The following CNTN3 variants were observed in gnomAD, a reference collection of about 807,000 sequenced individuals.
CNTN3 encodes the protein contactin 3.
A neutral mutation model predicts 119.1 loss-of-function variants in CNTN3; 60 were observed. The ratio of observed to expected loss-of-function variants is 0.50; its 90% CI spans 0.41 to 0.62. The LOEUF is 0.62. Ranked by LOEUF, CNTN3 falls within the 20% of genes least tolerant of loss-of-function variation. CNTN3 has a pLI of 0.00. For synonymous variants in CNTN3, 450 were observed against 438.7 expected (o/e 1.03, Z -0.32); for missense variants, 1,101 against 1,242.4 (o/e 0.89, Z 1.71).
intron 1 of CNTN3, among the ~76,000 whole-genome samples, chr3:74,560,926 A>G (rs1048352425): frequency 2.7e-5 from 4 of 150,578 alleles, no homozygotes; most frequent in Non-Finnish European, 5.9e-5. Context: ...TCGCAAGGAC[A>G]AAAAAAACCA....
intron 4 of CNTN3, among the ~76,000 whole-genome samples, chr3:74,439,574 C>T (rs1212597234): frequency 6.6e-6 from 1 of 152,020 alleles, no homozygotes; most frequent in Admixed American, 6.6e-5. Flanking sequence ...ATTGTTATTC[C>T]CAATATTTAC....
At chr3:74,355,473 G>C (rs1368730511) in intron 11 of CNTN3, among the ~76,000 whole-genome samples, 1 of 151,756 alleles carries the variant, frequency 6.6e-6, no homozygotes, top group African/African-American at 2.4e-5. Context: ...GTTTTGTTTT[G>C]AGACAGGTTC....
At chr3:74,402,318 C>T (rs774891819) in intron 5 of CNTN3, among the ~76,000 whole-genome samples, 3 of 151,940 alleles carry the variant, frequency 2.0e-5, no homozygotes, top group Non-Finnish European at 4.4e-5. Flanking sequence ...TGGGATTTAA[C>T]GATGGGCCAT....
intron 1 of CNTN3, among the ~76,000 whole-genome samples, chr3:74,604,859 C>T (rs1396636142): frequency 2.0e-5 from 3 of 152,042 alleles, no homozygotes; most frequent in Non-Finnish European, 2.9e-5. Context: ...CTGTGTTCAT[C>T]GCAGCATTAT....
chr3:74,610,946 G>A (rs1011021355), intron 1 of CNTN3, among the ~76,000 whole-genome samples: 1 of 152,158 alleles, frequency 6.6e-6, no homozygotes, highest in African/African-American at 2.4e-5. Context: ...TCATTTATCA[G>A]TAATATAATC....
rs141767313 is a variant in CNTN3, at chr3:74,312,224, C to T, written c.1669-9417G>A. Among the ~76,000 whole-genome samples the T allele has an allele frequency of 1.5e-3, 230 of 151,912 alleles. 2 individuals are homozygous for T. Among genetic ancestry groups the T allele is most frequent in the Admixed American group, 3.7e-3 (57 of 15,254 alleles). ...ATCCCAGCACTTTGGGAGGCCGAGG[C>T]GGGCAGATCACGAGGTCAGGAGATC... On this transcript the variant is annotated intron_variant, in intron 13 of 22. Transcript: ENST00000263665.
chr3:74,313,145 TG>T (rs1252079282), intron 13 of CNTN3, among the ~76,000 whole-genome samples: 1 of 149,130 alleles, frequency 6.7e-6, no homozygotes, highest in Non-Finnish European at 1.5e-5. Flanking sequence ...AAAAACAGAC[TG>T]AAAAAAACAG....
intron 5 of CNTN3, among the ~76,000 whole-genome samples, chr3:74,381,575 G>A (rs1704625558): frequency 1.3e-5 from 2 of 152,202 alleles, no homozygotes; most frequent in South Asian, 2.1e-4. Flanking sequence ...ATAGAAAAGA[G>A]TAATAAAAAT....
At chr3:74,538,319 T>C (rs1464882610) in intron 1 of CNTN3, among the ~76,000 whole-genome samples, 3 of 152,142 alleles carry the variant, frequency 2.0e-5, no homozygotes, top group African/African-American at 7.2e-5. Context: ...GTTCTTTATT[T>C]TGGTTACATA....
At chr3:74,586,941 G>A (rs1156245309) in intron 1 of CNTN3, among the ~76,000 whole-genome samples, 1 of 151,962 alleles carries the variant, frequency 6.6e-6, no homozygotes, top group African/African-American at 2.4e-5. Flanking sequence ...CATCTATCCT[G>A]CCTTGACTTG....
intron 4 of CNTN3, among the ~76,000 whole-genome samples, chr3:74,479,772 T>C (rs1702729389): frequency 6.6e-6 from 1 of 151,898 alleles, no homozygotes; most frequent in Admixed American, 6.6e-5. Flanking sequence ...GTTCCTGATA[T>C]ACAGGAAAAC....
chr3:74,440,069 T>C (rs547919725), intron 4 of CNTN3, among the ~76,000 whole-genome samples: 4 of 152,216 alleles, frequency 2.6e-5, no homozygotes, highest in Non-Finnish European at 4.4e-5. Context: ...TATTTGGGTA[T>C]AACTGGCTTC....
intron 4 of CNTN3, among the ~76,000 whole-genome samples, chr3:74,458,307 G>A (rs1392141802): frequency 6.6e-6 from 1 of 152,002 alleles, no homozygotes; most frequent in Non-Finnish European, 1.5e-5. Flanking sequence ...AATGGTTTCA[G>A]GAGTTGGCAA....
intron 20 of CNTN3, among the ~76,000 whole-genome samples, chr3:74,272,841 G>T (rs996457907): frequency 6.6e-5 from 10 of 152,058 alleles, no homozygotes; most frequent in Non-Finnish European, 1.5e-4. Flanking sequence ...AAAAAGGAGG[G>T]TGGTCTATTT....
intron 5 of CNTN3, among the ~76,000 whole-genome samples, chr3:74,399,541 CATT>C (rs1705139566): frequency 6.6e-6 from 1 of 152,086 alleles, no homozygotes; most frequent in Non-Finnish European, 1.5e-5. Flanking sequence ...TCCAGTCTAT[CATT>C]GATGGGCATT....
chr3:74,343,112 C>T (rs947221111), intron 11 of CNTN3, among the ~76,000 whole-genome samples: 10 of 152,162 alleles, frequency 6.6e-5, no homozygotes, highest in South Asian at 6.2e-4. Context: ...ATAAAAATGT[C>T]GGCTTTATTA....
At chr3:74,394,397 G>A (rs932128329) in intron 5 of CNTN3, among the ~76,000 whole-genome samples, 1 of 152,092 alleles carries the variant, frequency 6.6e-6, no homozygotes, top group Non-Finnish European at 1.5e-5. Context: ...AACAGAAATA[G>A]CTGACTTAAT....
intron 1 of CNTN3, among the ~76,000 whole-genome samples, chr3:74,524,375 C>T (rs1466452715): frequency 6.6e-6 from 1 of 151,796 alleles, no homozygotes; most frequent in Non-Finnish European, 1.5e-5. Context: ...TTGCGAGTGA[C>T]ACCTTGTTTA....
intron 20 of CNTN3, among the ~76,000 whole-genome samples, chr3:74,280,215 T>A (rs1315989348): frequency 2.0e-5 from 3 of 152,324 alleles, no homozygotes; most frequent in Non-Finnish European, 4.4e-5. Flanking sequence ...CTTGATTTCC[T>A]TACATTCAGG....
Sources: allele counts gnomAD v4.1 joint callset (sites outside exome capture counted in the v4.1 genomes callset), GRCh38; gene constraint gnomAD v4.1.1; transcripts MANE v1.5; gene names NCBI Gene and HGNC (gene_info 2026-07-23, HGNC 2026-07-21).